GBE1: variants seen among roughly 807,000 people sequenced by gnomAD.
GBE1 encodes the protein 1,4-alpha-glucan branching enzyme 1.
In GBE1, 70 loss-of-function variants were observed where a neutral mutation model predicts 88.8. The ratio of observed to expected loss-of-function variants is 0.79; its 90% CI spans 0.65 to 0.96. The LOEUF (loss-of-function observed/expected upper bound fraction) is 0.96, where lower values mean the gene tolerates loss of function less well. Among genes scored for constraint, GBE1 ranks in the 40% least tolerant of loss-of-function variants. GBE1 has a pLI of 0.00. For missense variants in GBE1, 872 were observed against 871.0 expected, an observed-to-expected ratio of 1.00 and a Z score of -0.01; for synonymous variants, 284 against 300.1, an observed-to-expected ratio of 0.95 and a Z score of 0.56.
intron 1 of GBE1, among the ~76,000 whole-genome samples, chr3:81,720,390 C>T (rs1283283114): frequency 6.7e-6 from 1 of 149,568 alleles, no homozygotes; most frequent in Non-Finnish European, 1.5e-5. Flanking sequence ...ATCTTATATA[C>T]ACAAACCCAT....
chr3:81,575,619 C>A (rs990060376), intron 12 of GBE1, among the ~76,000 whole-genome samples: 2 of 151,932 alleles, frequency 1.3e-5, no homozygotes, highest in African/African-American at 2.4e-5. Flanking sequence ...AAATAAAATT[C>A]CAGAAAATTA....
chr3:81,496,771 C>G (rs956809019), intron 15 of GBE1, among the ~76,000 whole-genome samples: 2 of 152,144 alleles, frequency 1.3e-5, no homozygotes, highest in African/African-American at 4.8e-5. Flanking sequence ...ACCCGTTTGT[C>G]TAGATTTTCT....
intron 1 of GBE1, among the ~76,000 whole-genome samples, chr3:81,711,098 T>G (rs543788070): frequency 2.6e-5 from 4 of 152,210 alleles, no homozygotes; most frequent in East Asian, 1.9e-4. Flanking sequence ...GTACTGAAGC[T>G]CTAATTACAG....
chr3:81,614,783 C>A (rs1032715861), intron 7 of GBE1, among the ~76,000 whole-genome samples: 5 of 152,102 alleles, frequency 3.3e-5, no homozygotes, highest in Admixed American at 6.6e-5. Flanking sequence ...CGCTTGAACC[C>A]AGGAGGCGGA....
At chr3:81,522,939 G>A (rs1702894173) in intron 14 of GBE1, among the ~76,000 whole-genome samples, 1 of 151,346 alleles carries the variant, frequency 6.6e-6, no homozygotes, top group African/African-American at 2.4e-5. Flanking sequence ...GGTGACTAAT[G>A]TAAAAACATT....
At chr3:81,538,088 T>A (rs1703099461) in intron 12 of GBE1, among the ~76,000 whole-genome samples, 2 of 152,108 alleles carry the variant, frequency 1.3e-5, no homozygotes, top group South Asian at 4.1e-4. Flanking sequence ...GTGCTACAAT[T>A]AATTATTGCT....
intron 15 of GBE1, among the ~76,000 whole-genome samples, chr3:81,497,181 T>C (rs1702511429): frequency 6.6e-6 from 1 of 152,210 alleles, no homozygotes; most frequent in South Asian, 2.1e-4. Context: ...TGCCAGCAGA[T>C]CTTTACTCTC....
intron 12 of GBE1, among the ~76,000 whole-genome samples, chr3:81,572,590 T>C (rs1394705884): frequency 2.0e-5 from 3 of 152,242 alleles, no homozygotes; most frequent in Non-Finnish European, 4.4e-5. Flanking sequence ...ACCTTGCCTG[T>C]CAATATTTAA....
intron 6 of GBE1, 140 bp from the exon 7 acceptor site, chr3:81,643,130 T>G (rs1419659561): frequency 1.6e-6 from 1 of 624,836 alleles, no homozygotes; most frequent in Non-Finnish European, 2.8e-6. Flanking sequence ...TGGATACAAC[T>G]CAAATTTGCT....
chr3:81,522,548 C>G (rs557251705), intron 14 of GBE1, among the ~76,000 whole-genome samples: 2 of 151,440 alleles, frequency 1.3e-5, no homozygotes, highest in South Asian at 2.1e-4. Context: ...CCTGCCCCCC[C>G]CAAATTTAAA....
intron 14 of GBE1, among the ~76,000 whole-genome samples, chr3:81,500,806 G>A (rs1362933697): frequency 1.3e-5 from 2 of 152,130 alleles, no homozygotes; most frequent in Non-Finnish European, 2.9e-5. Context: ...TTCAAAGAAC[G>A]TACATGTTTT....
intron 12 of GBE1, among the ~76,000 whole-genome samples, chr3:81,573,819 C>T (rs1188344758): frequency 3.3e-5 from 5 of 150,756 alleles, no homozygotes; most frequent in Non-Finnish European, 7.4e-5. Flanking sequence ...TGCACAGGTA[C>T]CATAAAAACA....
chr3:81,517,447 T>A (rs898610314), intron 14 of GBE1, among the ~76,000 whole-genome samples: 1 of 151,504 alleles, frequency 6.6e-6, no homozygotes, highest in Non-Finnish European at 1.5e-5. Context: ...TATATTGCAA[T>A]ATTTGCTTTA....
At chr3:81,555,393 T>C (rs1703333416) in intron 12 of GBE1, among the ~76,000 whole-genome samples, 1 of 152,166 alleles carries the variant, frequency 6.6e-6, no homozygotes, top group Non-Finnish European at 1.5e-5. Flanking sequence ...ACTCATTCTT[T>C]GTACATCTAC....
In GBE1 at chr3:81,744,535, T is replaced by C. The variant is rs550298373; in HGVS notation, c.143+16840A>G. Among the ~76,000 whole-genome samples the C allele has an allele frequency of 2.6e-5, 4 of 152,262 alleles. No individual in the cohort carries two copies. The South Asian group carries it at 8.3e-4, about 32-fold the overall frequency. ...CTCCAGATAACACTCATAATGTCCC[T>C]TGACTCACTCAGGAATGCAGCCACT... On this transcript the variant is annotated intron_variant, in intron 1 of 15. Coordinates refer to ENST00000429644, the MANE Select transcript of GBE1 (RefSeq NM_000158.4).
chr3:81,572,288 T>C (rs1576154193), intron 12 of GBE1, among the ~76,000 whole-genome samples: 1 of 152,290 alleles, frequency 6.6e-6, no homozygotes, highest in East Asian at 1.9e-4. Flanking sequence ...AGGCAGTTCT[T>C]TACAGCAGTA....
chr3:81,534,257 T>C (rs1312362447), intron 14 of GBE1, among the ~76,000 whole-genome samples: 1 of 152,062 alleles, frequency 6.6e-6, no homozygotes, highest in African/African-American at 2.4e-5. Context: ...GTACTGTACA[T>C]TTCCTTTGTA....
In GBE1 at chr3:81,506,184, C is replaced by T. The variant is rs563166372; in HGVS notation, c.1935-6957G>A. On this transcript the variant is annotated intron_variant, in intron 14 of 15. Transcript: ENST00000429644. ...CATCTGACAAAGTTCTAATATTCAG[C>T]ATCTATAAGGAACTCAAATTTACAA... Among the ~76,000 whole-genome samples, 17 of 152,104 alleles carry T rather than the reference C, an allele frequency of 1.1e-4. No homozygotes were observed. The East Asian group carries it at 3.3e-3, about 29-fold the overall frequency.
intron 3 of GBE1, among the ~76,000 whole-genome samples, chr3:81,653,212 T>A (rs1704875535): frequency 3.3e-5 from 5 of 151,976 alleles, no homozygotes; most frequent in Non-Finnish European, 7.4e-5. Flanking sequence ...ACCTACAATC[T>A]CAGCACTTTG....
Sources: gnomAD v4.1 joint callset for allele counts (sites outside exome capture counted in the v4.1 genomes callset) on GRCh38, gnomAD v4.1.1 for gene constraint, MANE v1.5 for transcripts, NCBI Gene and HGNC (gene_info 2026-07-23, HGNC 2026-07-21) for gene names.